Variants in RAD54B observed in about 807,000 individuals in gnomAD.
The protein encoded by RAD54B is RAD54 homolog B, also known as DNA repair and recombination protein RAD54B.
RAD54B carries 78 observed loss-of-function variants against 95.8 expected under a neutral mutation model. The observed-to-expected ratio is 0.81, with a 90% CI of 0.68 to 0.98. The LOEUF is 0.98. Ranked by LOEUF, RAD54B falls within the 50% of genes least tolerant of loss-of-function variation. RAD54B has a pLI of 0.00. For synonymous variants in RAD54B, 328 were observed against 354.9 expected, an observed-to-expected ratio of 0.92 and a Z score of 0.85; for missense variants, 957 against 1,056.6, an observed-to-expected ratio of 0.91 and a Z score of 1.31.
Position 94,393,778 on chromosome 8 carries a change from G to A in RAD54B, c.1483C>T (p.Pro495Ser), listed in dbSNP as rs760535639. 5 of 1,585,036 alleles carry A rather than the reference G, an allele frequency of 3.2e-6. No individual in the cohort carries two copies. The Admixed American group carries it at 5.1e-5, about 16-fold the overall frequency. Residue 495 changes from proline (P) to serine (S), a missense_variant, in exon 9 of 15, where the codon CCC (proline) becomes TCC (serine). By Grantham distance (74) the Pro-to-Ser change is moderately conservative (BLOSUM62 -1). Transcript: ENST00000336148. ...GAAGGTTCTCTCGATAAAATGATGGGTTCTTCATATATTTTCCTATAAGAT... is the reference window on the plus strand; with the variant it reads ...GAAGGTTCTCTCGATAAAATGATGGATTCTTCATATATTTTCCTATAAGAT... Reference protein sequence around the residue: ...LSSYRKIYEEPIILSREPSAS... With the variant: ...LSSYRKIYEESIILSREPSAS...
At chr8:94,465,734 T>C (rs542992475) in intron 2 of RAD54B, among the ~76,000 whole-genome samples, 1 of 152,268 alleles carries the variant, frequency 6.6e-6, no homozygotes, top group East Asian at 1.9e-4. Context: ...TTATTCGCCA[T>C]AGCAAAAAGG....
intron 11 of RAD54B, among the ~76,000 whole-genome samples, chr8:94,385,592 TGAGTC>T (rs1173990977): frequency 6.6e-6 from 1 of 152,138 alleles, no homozygotes; most frequent in Non-Finnish European, 1.5e-5. Context: ...GCATGAGAGC[TGAGTC>T]TTGTTGTTGT....
chr8:94,421,534 C>A (rs77017944), intron 3 of RAD54B, among the ~76,000 whole-genome samples: 4,888 of 152,264 alleles, frequency 0.032, 105 homozygotes, highest in Non-Finnish European at 0.049. Flanking sequence ...TCTGCATATC[C>A]AATTGCCTCC....
intron 3 of RAD54B, among the ~76,000 whole-genome samples, chr8:94,453,693 T>G (rs1812717344): frequency 2.0e-5 from 3 of 152,118 alleles, no homozygotes; most frequent in Admixed American, 2.0e-4. Context: ...TCTAGAATAC[T>G]TCAAAAAAGA....
At chr8:94,443,455 C>T (rs1210354939) in intron 3 of RAD54B, among the ~76,000 whole-genome samples, 1 of 151,732 alleles carries the variant, frequency 6.6e-6, no homozygotes, top group Non-Finnish European at 1.5e-5. Context: ...GCATATGTAC[C>T]CCTGAACTTG....
In RAD54B at chr8:94,420,845, C is replaced by T. The variant is rs143849526; in HGVS notation, c.305-9530G>A. 3.7e-3 allele frequency among the ~76,000 whole-genome samples: 561 copies of T among 151,872 alleles called. 2 individuals carry two copies. The highest frequency in any genetic ancestry group is 0.013 in the African/African-American group (524 of 41,400). On this transcript the variant is annotated intron_variant, in intron 3 of 14. Coordinates refer to ENST00000336148, the MANE Select transcript of RAD54B (RefSeq NM_012415.3). ...ACTAAAAATACAGAAATTAGCCAGACGTGGTGGTGGGCGTCTGTAATCCCA... is the reference window on the plus strand; with the variant it reads ...ACTAAAAATACAGAAATTAGCCAGATGTGGTGGTGGGCGTCTGTAATCCCA...
At chr8:94,446,455 G>A (rs982823701) in intron 3 of RAD54B, among the ~76,000 whole-genome samples, 3 of 152,066 alleles carry the variant, frequency 2.0e-5, no homozygotes. Context: ...ATAAAGCAAG[G>A]GAAAGTGCTG....
chr8:94,405,396 T>TA lies in RAD54B; in HGVS notation c.782-1158dup, dbSNP rs1811363761. Among the ~76,000 whole-genome samples, 4 of 152,130 alleles carry TA rather than the reference T, an allele frequency of 2.6e-5. No individual in the cohort carries two copies. In the East Asian group the frequency reaches 7.7e-4, roughly 29 times the overall value. The stretch of plus-strand genomic sequence containing the variant: ...GATGAGAAGAGGAGATAAAAAGAAA[T>TA]AGACTCCAGTAGACTATGTAAATAT... On this transcript the variant is annotated intron_variant, in intron 5 of 14. Coordinates refer to ENST00000336148, the MANE Select transcript of RAD54B (RefSeq NM_012415.3).
intron 3 of RAD54B, among the ~76,000 whole-genome samples, chr8:94,415,161 A>G (rs1477324591): frequency 6.6e-6 from 1 of 152,082 alleles, no homozygotes; most frequent in Non-Finnish European, 1.5e-5. Context: ...ACTGGTACCA[A>G]AACAGAGATA....
chr8:94,389,719 A>T (rs1425804623), intron 10 of RAD54B, among the ~76,000 whole-genome samples: 1 of 152,264 alleles, frequency 6.6e-6, no homozygotes, highest in East Asian at 1.9e-4. Flanking sequence ...TTATTTATAC[A>T]TGTAGAAGGC....
At position 94,378,333 on chromosome 8, in the gene RAD54B, G is replaced by T; in HGVS notation, c.2362C>A (p.Leu788Ile). ...GTGAGGTCGACAACTGCCCCACAAAGACCTTGCTTACTGATCTGCCTTTGA... is the reference window on the plus strand; with the variant it reads ...GTGAGGTCGACAACTGCCCCACAAATACCTTGCTTACTGATCTGCCTTTGA... ...IYQRQISKQG[L>I]CGAVVDLTKT... The change falls in exon 14 of 15, where the codon CTT (leucine) becomes ATT (isoleucine). Residue 788 changes from leucine (L) to isoleucine (I), a missense_variant. Leu to Ile is a conservative substitution (Grantham distance 5, BLOSUM62 2). Coordinates refer to ENST00000336148, the MANE Select transcript of RAD54B (RefSeq NM_012415.3). The T allele has an allele frequency of 1.2e-6, 2 of 1,613,940 alleles. No individual in the cohort carries two copies. Among genetic ancestry groups the T allele is most frequent in the Non-Finnish European group, 1.7e-6 (2 of 1,179,954 alleles).
chr8:94,413,474 T>C (rs1419077896), intron 3 of RAD54B, among the ~76,000 whole-genome samples: 2 of 152,124 alleles, frequency 1.3e-5, no homozygotes, highest in Admixed American at 6.5e-5. Flanking sequence ...TCAACAAACA[T>C]TGCTAAACCA....
intron 14 of RAD54B, 95 bp downstream of exon 14, chr8:94,378,085 G>T: frequency 1.1e-6 from 1 of 943,998 alleles, no homozygotes; most frequent in Non-Finnish European, 1.5e-6. Context: ...TATGCAAATG[G>T]TAAATATTAT....
At chr8:94,429,131 A>C (rs1812018720) in intron 3 of RAD54B, 1 of 984,072 alleles carries the variant, frequency 1.0e-6, no homozygotes, top group Admixed American at 6.1e-5. Flanking sequence ...AAAGAGTGTG[A>C]TTCTGGTGTT....
intron 11 of RAD54B, among the ~76,000 whole-genome samples, chr8:94,381,587 G>C (rs1003436655): frequency 1.3e-5 from 2 of 152,194 alleles, no homozygotes; most frequent in African/African-American, 4.8e-5. Context: ...TTCAATGGAA[G>C]AGGATGCAAT....
intron 3 of RAD54B, among the ~76,000 whole-genome samples, chr8:94,422,990 C>T (rs1811860127): frequency 6.6e-6 from 1 of 151,314 alleles, no homozygotes; most frequent in Non-Finnish European, 1.5e-5. Flanking sequence ...TATAAATATA[C>T]ATATATATTT....
intron 14 of RAD54B, among the ~76,000 whole-genome samples, chr8:94,377,564 A>C (rs1201253075): frequency 0.036 from 3,001 of 83,480 alleles, 210 homozygotes; most frequent in African/African-American, 0.086. Context: ...AAAAAAAAAA[A>C]AAAAAAAAAA....
intron 3 of RAD54B, among the ~76,000 whole-genome samples, chr8:94,448,661 A>G (rs897643870): frequency 6.0e-5 from 9 of 150,642 alleles, no homozygotes; most frequent in African/African-American, 2.2e-4. Flanking sequence ...AAAGAAAAAT[A>G]CTGCATCTCA....
chr8:94,432,563 T>C, intron 3 of RAD54B: 1 of 1,550,416 alleles, frequency 6.4e-7, no homozygotes, highest in Non-Finnish European at 8.7e-7. Flanking sequence ...TGTCTTCTTC[T>C]TGCTTCACCT....
Sources: gnomAD v4.1 joint callset for allele counts (sites outside exome capture counted in the v4.1 genomes callset) on GRCh38, gnomAD v4.1.1 for gene constraint, MANE v1.5 for transcripts, NCBI Gene and HGNC (gene_info 2026-07-23, HGNC 2026-07-21) for gene names.